The following FOXP1 variants were observed in gnomAD, a reference collection of about 807,000 sequenced individuals.
FOXP1 encodes forkhead box protein P1.
A neutral mutation model predicts 98.2 loss-of-function variants in FOXP1; 15 were observed. The observed-to-expected ratio is 0.15, with a 90% CI of 0.10 to 0.24. The LOEUF is 0.24. Among genes scored for constraint, FOXP1 ranks in the 10% least tolerant of loss-of-function variants. The probability of loss-of-function intolerance (pLI) is 1.00; values close to 1 mark genes in which losing one functional copy is unlikely to be tolerated. For synonymous variants in FOXP1, 371 were observed against 314.5 expected (o/e 1.18, Z -1.90); for missense variants, 633 against 848.5 (o/e 0.75, Z 3.15).
At chr3:71,168,458 G>A (rs914618891) in intron 6 of FOXP1, among the ~76,000 whole-genome samples, 4 of 152,196 alleles carry the variant, frequency 2.6e-5, no homozygotes, top group African/African-American at 9.7e-5. Flanking sequence ...CATGTAATAA[G>A]TATGAGAAAT....
At chr3:71,555,048 T>C (rs150195994) in intron 2 of FOXP1, among the ~76,000 whole-genome samples, 2 of 152,362 alleles carry the variant, frequency 1.3e-5, no homozygotes, top group African/African-American at 4.8e-5. Flanking sequence ...GCTGCCAAAA[T>C]GGTTTCTTAC....
At chr3:71,510,954 A>G (rs1362938336) in intron 2 of FOXP1, among the ~76,000 whole-genome samples, 1 of 152,226 alleles carries the variant, frequency 6.6e-6, no homozygotes, top group Non-Finnish European at 1.5e-5. Flanking sequence ...TAAAGAAACA[A>G]CTATTATTAA....
chr3:71,468,180 A>G (rs2088970406), intron 3 of FOXP1, among the ~76,000 whole-genome samples: 1 of 152,148 alleles, frequency 6.6e-6, no homozygotes, highest in Admixed American at 6.5e-5. Context: ...ATACCTGTCC[A>G]AACATTTGAA....
At chr3:71,319,377 T>G (rs1463834014) in intron 4 of FOXP1, among the ~76,000 whole-genome samples, 1 of 152,196 alleles carries the variant, frequency 6.6e-6, no homozygotes, top group Non-Finnish European at 1.5e-5. Context: ...GAAACTTCTA[T>G]GCTAAATTCC....
intron 3 of FOXP1, among the ~76,000 whole-genome samples, chr3:71,376,177 T>A (rs2079697054): frequency 6.6e-6 from 1 of 152,142 alleles, no homozygotes; most frequent in South Asian, 2.1e-4. Context: ...ATTACTGAAT[T>A]ATTTCACCTC....
chr3:71,222,824 C>T (rs574960500), intron 5 of FOXP1, among the ~76,000 whole-genome samples: 2 of 152,344 alleles, frequency 1.3e-5, no homozygotes, highest in Non-Finnish European at 2.9e-5. Flanking sequence ...AAGCCCTTCT[C>T]TCCTTTACCG....
intron 3 of FOXP1, among the ~76,000 whole-genome samples, chr3:71,492,473 T>C (rs2091133879): frequency 6.7e-6 from 1 of 148,880 alleles, no homozygotes; most frequent in South Asian, 2.1e-4. Flanking sequence ...AGAAAAAAAA[T>C]CAAAGAGAGA....
At chr3:71,103,359 T>C (rs1044530570) in intron 7 of FOXP1, among the ~76,000 whole-genome samples, 3 of 152,226 alleles carry the variant, frequency 2.0e-5, no homozygotes, top group East Asian at 3.8e-4. Context: ...TCTGACCCAA[T>C]AGAAATAATA....
chr3:71,185,118 G>T (rs976623208), intron 6 of FOXP1, among the ~76,000 whole-genome samples: 46 of 152,056 alleles, frequency 3.0e-4, no homozygotes, highest in Non-Finnish European at 4.4e-4. Context: ...GCTTGAACAC[G>T]GGAGGCAGAG....
intron 5 of FOXP1, among the ~76,000 whole-genome samples, chr3:71,218,108 T>C (rs1357678475): frequency 6.6e-6 from 1 of 152,200 alleles, no homozygotes; most frequent in Admixed American, 6.5e-5. Context: ...ATGGGGAAAC[T>C]TGCATAGCAC....
intron 7 of FOXP1, among the ~76,000 whole-genome samples, chr3:71,097,177 C>A (rs1360105160): frequency 6.6e-6 from 1 of 152,172 alleles, no homozygotes; most frequent in Non-Finnish European, 1.5e-5. Flanking sequence ...CAAATCTGGG[C>A]TGCCACCTGT....
chr3:70,959,466 G>C, intron 20 of FOXP1, 75 bp from the exon 21 acceptor site: 1 of 1,571,170 alleles, frequency 6.4e-7, no homozygotes, highest in Non-Finnish European at 8.7e-7. Context: ...AAAAGTTTGG[G>C]GCAACAGAAA....
intron 3 of FOXP1, among the ~76,000 whole-genome samples, chr3:71,395,807 C>A (rs970359500): frequency 2.6e-5 from 4 of 151,676 alleles, no homozygotes; most frequent in African/African-American, 9.7e-5. Flanking sequence ...ATAATGTATT[C>A]TCCTCTTTAT....
chr3:71,177,774 T>C (rs1362035672), intron 6 of FOXP1, among the ~76,000 whole-genome samples: 3 of 152,086 alleles, frequency 2.0e-5, no homozygotes, highest in Non-Finnish European at 4.4e-5. Flanking sequence ...TTTCCATTGC[T>C]ATTATTATTA....
At chr3:71,038,440 T>C (rs911263003) in intron 11 of FOXP1, among the ~76,000 whole-genome samples, 9 of 152,110 alleles carry the variant, frequency 5.9e-5, no homozygotes, top group South Asian at 2.1e-4. Context: ...CACAAATGCA[T>C]TGATGAGTAA....
chr3:71,361,462 T>C (rs2078564781), intron 3 of FOXP1, among the ~76,000 whole-genome samples: 1 of 152,190 alleles, frequency 6.6e-6, no homozygotes, highest in Admixed American at 6.5e-5. Flanking sequence ...TCCCCTTTAT[T>C]ATCTACTTGT....
intron 2 of FOXP1, among the ~76,000 whole-genome samples, chr3:71,496,328 G>A (rs1013695735): frequency 3.3e-5 from 5 of 152,148 alleles, no homozygotes; most frequent in African/African-American, 1.2e-4. Context: ...GAGGTTTTGG[G>A]AGGAATTGGA....
chr3:70,983,686 T>C (rs1414787809), intron 14 of FOXP1, among the ~76,000 whole-genome samples: 2 of 152,228 alleles, frequency 1.3e-5, no homozygotes, highest in African/African-American at 4.8e-5. Context: ...AGTTGTTCTC[T>C]GATGTGCAGG....
chr3:71,297,877 G>T (rs2073475244), intron 5 of FOXP1, among the ~76,000 whole-genome samples: 1 of 152,072 alleles, frequency 6.6e-6, no homozygotes, highest in African/African-American at 2.4e-5. Flanking sequence ...AAAGTGCAGG[G>T]ATTACAGACA....
Sources: gnomAD v4.1 joint callset for allele counts (sites outside exome capture counted in the v4.1 genomes callset) on GRCh38, gnomAD v4.1.1 for gene constraint, MANE v1.5 for transcripts, NCBI Gene and HGNC (gene_info 2026-07-23, HGNC 2026-07-21) for gene names.